PRORP: variants seen among roughly 807,000 people sequenced by gnomAD.
PRORP encodes protein only RNase P catalytic subunit.
PRORP carries 51 observed loss-of-function variants against 59.4 expected under a neutral mutation model. The ratio of observed to expected loss-of-function variants is 0.86; its 90% confidence interval spans 0.69 to 1.08. The LOEUF (loss-of-function observed/expected upper bound fraction) is 1.08, where lower values mean the gene tolerates loss of function less well. Ranked by LOEUF, PRORP falls within the 50% of genes least tolerant of loss-of-function variation. PRORP has a pLI of 0.00. For synonymous variants in PRORP, 231 were observed against 245.6 expected, an observed-to-expected ratio of 0.94 and a Z score of 0.55; for missense variants, 646 against 690.3, an observed-to-expected ratio of 0.94 and a Z score of 0.72.
intron 2 of PRORP, among the ~76,000 whole-genome samples, chr14:35,125,112 C>T (rs2047066495): frequency 6.6e-6 from 1 of 152,072 alleles, no homozygotes; most frequent in Admixed American, 6.6e-5. Context: ...CCGCCTGCCT[C>T]GGCCTCCCAA....
intron 5 of PRORP, among the ~76,000 whole-genome samples, chr14:35,196,238 G>C (rs2139107771): frequency 6.6e-6 from 1 of 152,330 alleles, no homozygotes; most frequent in South Asian, 2.1e-4. Flanking sequence ...ACTTTGGGAG[G>C]CCGAGGTGGG....
intron 4 of PRORP, among the ~76,000 whole-genome samples, chr14:35,136,815 A>C (rs897786098): frequency 2.9e-4 from 42 of 145,326 alleles, no homozygotes; most frequent in African/African-American, 1.0e-3. Context: ...CCAGGAAAAC[A>C]GTGAGAACAG....
chr14:35,220,333 A>G (rs1410418497), intron 5 of PRORP, among the ~76,000 whole-genome samples: 1 of 152,186 alleles, frequency 6.6e-6, no homozygotes, highest in Admixed American at 6.5e-5. Flanking sequence ...TATTCATTCT[A>G]TTGAGCTAAA....
chr14:35,146,763 TCA>T (rs2047620986), intron 4 of PRORP, among the ~76,000 whole-genome samples: 1 of 152,082 alleles, frequency 6.6e-6, no homozygotes, highest in Non-Finnish European at 1.5e-5. Context: ...ATAAAGTGAG[TCA>T]CACAAATTTT....
At chr14:35,160,288 A>G (rs894179666) in intron 4 of PRORP, among the ~76,000 whole-genome samples, 1 of 152,186 alleles carries the variant, frequency 6.6e-6, no homozygotes, top group African/African-American at 2.4e-5. Context: ...GTTTTCTTTC[A>G]GAGTAAAATC....
chr14:35,192,159 G>A (rs1234999941), intron 5 of PRORP, among the ~76,000 whole-genome samples: 1 of 152,052 alleles, frequency 6.6e-6, no homozygotes, highest in Non-Finnish European at 1.5e-5. Flanking sequence ...TTTTCTCATT[G>A]TCTTTCACTG....
At chr14:35,249,926 C>T (rs1033752036) in intron 5 of PRORP, among the ~76,000 whole-genome samples, 3 of 152,106 alleles carry the variant, frequency 2.0e-5, no homozygotes, top group Non-Finnish European at 4.4e-5. Context: ...TTTACATCCT[C>T]CCTGGTGTGC....
At chr14:35,254,400 T>A (rs1438990665) in intron 5 of PRORP, among the ~76,000 whole-genome samples, 1 of 152,158 alleles carries the variant, frequency 6.6e-6, no homozygotes, top group Non-Finnish European at 1.5e-5. Context: ...TTTGTTTGTT[T>A]GTTTGTTTTG....
intron 6 of PRORP, among the ~76,000 whole-genome samples, chr14:35,267,733 A>G (rs1368919502): frequency 1.3e-5 from 2 of 152,020 alleles, no homozygotes; most frequent in Non-Finnish European, 2.9e-5. Flanking sequence ...GTGAGCCGAG[A>G]TCGCGCCACT....
chr14:35,134,628 A>G (rs2047329336), intron 4 of PRORP, among the ~76,000 whole-genome samples: 1 of 151,878 alleles, frequency 6.6e-6, no homozygotes, highest in Non-Finnish European at 1.5e-5. Flanking sequence ...TCTGACCGGT[A>G]CCCCATCCTG....
chr14:35,225,789 G>A (rs954998507), intron 5 of PRORP, among the ~76,000 whole-genome samples: 1 of 152,016 alleles, frequency 6.6e-6, no homozygotes, highest in African/African-American at 2.4e-5. Context: ...GCTCACACCT[G>A]TAAGCCCAGC....
At chr14:35,167,546 T>G (rs964841424) in intron 4 of PRORP, among the ~76,000 whole-genome samples, 1 of 152,210 alleles carries the variant, frequency 6.6e-6, no homozygotes, top group African/African-American at 2.4e-5. Context: ...AGTTGTTAGC[T>G]TACAATGATA....
chr14:35,250,120 T>A (rs1015803615), intron 5 of PRORP, among the ~76,000 whole-genome samples: 22 of 151,972 alleles, frequency 1.4e-4, no homozygotes, highest in Non-Finnish European at 1.8e-4. Flanking sequence ...TGGTGGCGCA[T>A]GCCTGTGGTC....
At chr14:35,131,841 CTTTTT>C (rs1239696768) in intron 4 of PRORP, among the ~76,000 whole-genome samples, 2 of 146,948 alleles carry the variant, frequency 1.4e-5, no homozygotes, top group Non-Finnish European at 3.0e-5. Context: ...CCAATCCTTT[CTTTTT>C]TTCTTTTTTT....
At chr14:35,215,851 C>T (rs1376778534) in intron 5 of PRORP, among the ~76,000 whole-genome samples, 1 of 151,760 alleles carries the variant, frequency 6.6e-6, no homozygotes, top group African/African-American at 2.4e-5. Flanking sequence ...ACCACAGCCT[C>T]CACCTCCTGG....
intron 5 of PRORP, among the ~76,000 whole-genome samples, chr14:35,187,986 G>A (rs1030087580): frequency 4.6e-5 from 7 of 150,698 alleles, no homozygotes; most frequent in Admixed American, 2.0e-4. Flanking sequence ...GAGTAGCTGG[G>A]ATTACAGGCA....
At chr14:35,135,284 G>T (rs1399085177) in intron 4 of PRORP, among the ~76,000 whole-genome samples, 2 of 152,170 alleles carry the variant, frequency 1.3e-5, no homozygotes, top group African/African-American at 4.8e-5. Flanking sequence ...TCTTTTGAAG[G>T]TGCTTTTTTT....
At chr14:35,218,950 C>T (rs2049694781) in intron 5 of PRORP, 1 of 152,168 alleles carries the variant, frequency 6.6e-6, no homozygotes, top group Admixed American at 6.5e-5. Context: ...AGAAGCTACA[C>T]TTTTTCAGTT....
chr14:35,174,609 G>A (rs2048397698), intron 4 of PRORP, among the ~76,000 whole-genome samples: 1 of 152,050 alleles, frequency 6.6e-6, no homozygotes, highest in Admixed American at 6.6e-5. Flanking sequence ...GCCTCTTAAT[G>A]ACAAAAGAGG....
Sources: gnomAD v4.1 joint callset for allele counts (sites outside exome capture counted in the v4.1 genomes callset) on GRCh38, gnomAD v4.1.1 for gene constraint, MANE v1.5 for transcripts, NCBI Gene and HGNC (gene_info 2026-07-23, HGNC 2026-07-21) for gene names.